Variants in C1orf87 observed in about 807,000 individuals in gnomAD.
C1orf87 encodes the protein chromosome 1 open reading frame 87, also known as uncharacterized protein C1orf87.
In C1orf87, 58 loss-of-function variants were observed where a neutral mutation model predicts 60.5. That is an observed-to-expected ratio of 0.96 (90% confidence interval 0.78 to 1.19). The LOEUF (loss-of-function observed/expected upper bound fraction) is 1.19, where lower values mean the gene tolerates loss of function less well. Ranked by LOEUF, C1orf87 falls within the 50% of genes most tolerant of loss-of-function variation. C1orf87 has a pLI of 0.00. For missense variants in C1orf87, 673 were observed against 638.6 expected (o/e 1.05, Z -0.58); for synonymous variants, 236 against 227.4 (o/e 1.04, Z -0.34).
intron 7 of C1orf87, among the ~76,000 whole-genome samples, chr1:60,028,119 G>T (rs1160188868): frequency 6.6e-6 from 1 of 152,010 alleles, no homozygotes; most frequent in Non-Finnish European, 1.5e-5. Context: ...ATGAGTGGAG[G>T]TTGGCAAAAA....
Position 59,990,830 on chromosome 1 carries a change from A to G in C1orf87, c.1484T>C (p.Val495Ala). ...GCGTCTGGCTCGTTCCTTCTCCAGA[A>G]CTCCTGTGATTGGATTGGGTAGGAG... ...LYLCDLSNTG[V>A]LEKERARRLI... The change falls in exon 12 of 12, where the codon GTT (valine) becomes GCT (alanine). Residue 495 changes from valine (V) to alanine (A), a missense_variant. Physicochemically the swap from Val to Ala is moderately conservative, Grantham distance 64. Transcript: ENST00000371201. 7.4e-6 allele frequency: 12 copies of G among 1,613,706 alleles called. No homozygotes were observed. The highest frequency in any genetic ancestry group is 1.0e-5 in the Non-Finnish European group (12 of 1,179,818).
At chr1:60,050,948 G>A (rs1015908404) in intron 3 of C1orf87, among the ~76,000 whole-genome samples, 1 of 152,080 alleles carries the variant, frequency 6.6e-6, no homozygotes, top group Non-Finnish European at 1.5e-5. Flanking sequence ...TAGGAAAGGC[G>A]TTTACCTCAG....
At chr1:60,022,095 T>C (rs1207601631) in intron 8 of C1orf87, among the ~76,000 whole-genome samples, 1 of 145,412 alleles carries the variant, frequency 6.9e-6, no homozygotes, top group African/African-American at 2.6e-5. Flanking sequence ...GAGCAACTCT[T>C]ATAGAGGACT....
chr1:60,041,104 T>C lies in C1orf87; in HGVS notation c.370A>G (p.Ser124Gly), dbSNP rs1283558181. 5.7e-6 allele frequency: 9 copies of C among 1,592,652 alleles called. No homozygotes were observed. Among genetic ancestry groups the C allele is most frequent in the Non-Finnish European group, 7.7e-6 (9 of 1,165,190 alleles). The change falls in exon 4 of 12, where the codon AGC becomes GGC. Residue 124 changes from serine to glycine, a missense_variant. Ser to Gly is a moderately conservative substitution (Grantham distance 56). Coordinates refer to ENST00000371201, the MANE Select transcript of C1orf87 (RefSeq NM_152377.3). ...NIPSQANVHC[S>G]SVPTGDQSLS... ...GACTGGTCTCCGGTTGGTACAGAGC[T>C]GCAGTGGACATTTGCTTGACTGGGA...
Position 60,015,470 on chromosome 1 carries a change from C to T in C1orf87, c.1128-5014G>A, listed in dbSNP as rs75244698. Among the ~76,000 whole-genome samples the T allele has an allele frequency of 5.6e-3, 846 of 152,218 alleles. 9 individuals are homozygous for T. The highest frequency in any genetic ancestry group is 0.019 in the African/African-American group (805 of 41,546). On this transcript the variant is annotated intron_variant, in intron 8 of 11. Coordinates refer to ENST00000371201, the MANE Select transcript of C1orf87 (RefSeq NM_152377.3). ...AAGACAGGCTGCCATAACAAAATAC[C>T]GCAGATCACATGGCTTAAACAACAG... is the stretch of plus-strand genomic sequence containing the variant.
At chr1:60,003,149 T>G (rs1279418377) in intron 9 of C1orf87, among the ~76,000 whole-genome samples, 17 of 148,126 alleles carry the variant, frequency 1.1e-4, no homozygotes, top group Middle Eastern at 6.9e-3. Flanking sequence ...CCATAAAAAA[T>G]GATGAGTTCA....
intron 7 of C1orf87, among the ~76,000 whole-genome samples, chr1:60,031,125 C>A (rs1469816079): frequency 6.6e-6 from 1 of 152,100 alleles, no homozygotes; most frequent in Non-Finnish European, 1.5e-5. Flanking sequence ...AAAACAACCC[C>A]CACAAAAAAC....
Position 60,040,015 on chromosome 1 carries a change from G to C in C1orf87, c.649C>G (p.Gln217Glu), listed in dbSNP as rs1282827632. 2 of 1,614,170 alleles carry C rather than the reference G, an allele frequency of 1.2e-6. No individual in the cohort carries two copies. The highest frequency in any genetic ancestry group is 1.7e-6 in the Non-Finnish European group (2 of 1,180,022). The change falls in exon 5 of 12, where the codon CAG (glutamine) becomes GAG (glutamate). Residue 217 changes from glutamine (Q) to glutamate (E), a missense_variant. By Grantham distance (29) the Gln-to-Glu change is conservative (BLOSUM62 2). Coordinates refer to ENST00000371201, the MANE Select transcript of C1orf87 (RefSeq NM_152377.3). ...TGCTTCAAAAAGAGGCGGCTCAGCT[G>C]AGATTGGAGAAGAAATCCTGAAGAG... Reference protein sequence around the residue: ...PISSGFLLQSQLSRLFLKHEV... With the variant: ...PISSGFLLQSELSRLFLKHEV...
intron 6 of C1orf87, among the ~76,000 whole-genome samples, chr1:60,035,095 A>G (rs538590886): frequency 6.6e-6 from 1 of 152,306 alleles, no homozygotes; most frequent in Non-Finnish European, 1.5e-5. Flanking sequence ...TCACCTGTCC[A>G]GGGAGTTCCC....
chr1:60,060,175 A>G (rs1315772157), intron 2 of C1orf87, among the ~76,000 whole-genome samples: 2 of 151,252 alleles, frequency 1.3e-5, no homozygotes, highest in Non-Finnish European at 2.9e-5. Flanking sequence ...AAATATGTTC[A>G]TTCAACTCCT....
At chr1:60,046,147 CCTTCTTTCCTTCCTCTCCTTG>C (rs1276518688) in intron 3 of C1orf87, among the ~76,000 whole-genome samples, 44 of 149,736 alleles carry the variant, frequency 2.9e-4, no homozygotes, top group African/African-American at 9.4e-4. Context: ...TTCCTTCCTT[CCTTCTTTCCTTCCTCTCCTTG>C]CTTCTTTCCT....
At chr1:60,013,943 T>C (rs941379810) in intron 8 of C1orf87, among the ~76,000 whole-genome samples, 8 of 152,152 alleles carry the variant, frequency 5.3e-5, no homozygotes, top group Admixed American at 5.2e-4. Context: ...TGCCATAAGC[T>C]ATATGCTCCT....
intron 2 of C1orf87, among the ~76,000 whole-genome samples, chr1:60,063,346 G>T (rs180866353): frequency 1.7e-4 from 26 of 152,114 alleles, no homozygotes; most frequent in Admixed American, 1.7e-3. Context: ...TCCATCTCCT[G>T]CCTGGATTAT....
chr1:60,064,946 TAATA>T (rs1404618220), intron 2 of C1orf87, among the ~76,000 whole-genome samples: 2 of 76,832 alleles, frequency 2.6e-5, no homozygotes, highest in Non-Finnish European at 4.8e-5. Flanking sequence ...ATAAAATATA[TAATA>T]AATATATAAT....
At chr1:60,037,622 C>T (rs956957030) in intron 6 of C1orf87, among the ~76,000 whole-genome samples, 5 of 152,346 alleles carry the variant, frequency 3.3e-5, no homozygotes, top group Middle Eastern at 3.4e-3. Context: ...CCTATGACCT[C>T]ATCGCCTCCT....
At chr1:60,027,970 T>A (rs1474263279) in intron 7 of C1orf87, among the ~76,000 whole-genome samples, 1 of 152,180 alleles carries the variant, frequency 6.6e-6, no homozygotes, top group East Asian at 1.9e-4. Flanking sequence ...GGGCTGGGAT[T>A]GGGTATCATT....
intron 7 of C1orf87, among the ~76,000 whole-genome samples, chr1:60,026,981 A>C (rs1645202484): frequency 6.6e-6 from 1 of 152,238 alleles, no homozygotes. Context: ...AAGATAGCTC[A>C]TTATGTATGT....
chr1:60,062,985 CA>C (rs1417161542), intron 2 of C1orf87, among the ~76,000 whole-genome samples: 5 of 152,026 alleles, frequency 3.3e-5, no homozygotes, highest in Admixed American at 3.3e-4. Flanking sequence ...GTGCCTAAAA[CA>C]AACACAAAAA....
At chr1:60,017,157 AAAAG>A (rs759651749) in intron 8 of C1orf87, among the ~76,000 whole-genome samples, 1 of 152,248 alleles carries the variant, frequency 6.6e-6, no homozygotes, top group Non-Finnish European at 1.5e-5. Context: ...TGCAATAATT[AAAAG>A]AGTTAATATT....
Sources: allele counts gnomAD v4.1 joint callset (sites outside exome capture counted in the v4.1 genomes callset), GRCh38; gene constraint gnomAD v4.1.1; transcripts MANE v1.5; gene names NCBI Gene and HGNC (gene_info 2026-07-23, HGNC 2026-07-21).